ATP10A: variants seen among roughly 807,000 people sequenced by gnomAD.
The protein encoded by ATP10A is phospholipid-transporting ATPase VA.
A neutral mutation model predicts 147.8 loss-of-function variants in ATP10A; 111 were observed. The ratio of observed to expected loss-of-function variants is 0.75; its 90% CI spans 0.64 to 0.88. The LOEUF (loss-of-function observed/expected upper bound fraction) is 0.88. ATP10A is among the 40% of genes least tolerant of loss of function. The pLI, the probability that ATP10A is intolerant of heterozygous loss-of-function variation, is 0.00. For synonymous variants in ATP10A, 875 were observed against 841.6 expected (o/e 1.04, Z -0.69); for missense variants, 1,927 against 1,959.0 (o/e 0.98, Z 0.31).
At chr15:25,858,651 G>T (rs1455209687) in intron 1 of ATP10A, among the ~76,000 whole-genome samples, 3 of 152,144 alleles carry the variant, frequency 2.0e-5, no homozygotes, top group Non-Finnish European at 4.4e-5. Context: ...GAGACCAAAA[G>T]TAGGGCAATT....
chr15:25,687,486 C>T (rs1899757223), intron 16 of ATP10A, among the ~76,000 whole-genome samples: 1 of 151,826 alleles, frequency 6.6e-6, no homozygotes, highest in Admixed American at 6.6e-5. Context: ...ACCACCTCTC[C>T]CTAGAGATGC....
At chr15:25,744,441 A>G (rs2140523271) in intron 2 of ATP10A, among the ~76,000 whole-genome samples, 1 of 152,294 alleles carries the variant, frequency 6.6e-6, no homozygotes, top group Non-Finnish European at 1.5e-5. Context: ...TTCCAGGTAC[A>G]ATGTCAGACA....
intron 2 of ATP10A, among the ~76,000 whole-genome samples, chr15:25,740,998 T>G (rs970546494): frequency 6.6e-6 from 1 of 152,234 alleles, no homozygotes; most frequent in African/African-American, 2.4e-5. Context: ...TCAGGCGAAG[T>G]GCCCTTCATT....
At chr15:25,745,582 G>A (rs892858514) in intron 2 of ATP10A, among the ~76,000 whole-genome samples, 1 of 151,934 alleles carries the variant, frequency 6.6e-6, no homozygotes, top group Non-Finnish European at 1.5e-5. Context: ...GAGAGAGAAG[G>A]AAATTGGCCT....
chr15:25,856,771 A>C (rs1191698104), intron 1 of ATP10A, among the ~76,000 whole-genome samples: 1 of 152,116 alleles, frequency 6.6e-6, no homozygotes. Context: ...CGACAACAAC[A>C]ACAACAACAA....
downstream of ATP10A, among the ~76,000 whole-genome samples, chr15:25,673,077 A>G (rs569996882): frequency 5.7e-4 from 86 of 152,152 alleles, no homozygotes; most frequent in Non-Finnish European, 7.9e-4. Context: ...AGCAGCATGC[A>G]AAACCATACC....
At chr15:25,762,142 G>A (rs545164183) in intron 2 of ATP10A, among the ~76,000 whole-genome samples, 10 of 152,198 alleles carry the variant, frequency 6.6e-5, no homozygotes, top group Non-Finnish European at 1.3e-4. Flanking sequence ...CCTTTTGCTC[G>A]GCACTTCTCC....
intron 5 of ATP10A, among the ~76,000 whole-genome samples, chr15:25,724,294 C>A (rs890904663): frequency 6.6e-6 from 1 of 152,156 alleles, no homozygotes; most frequent in Non-Finnish European, 1.5e-5. Context: ...CAGAGCTACC[C>A]GCGTGTTGGC....
Position 25,760,204 on chromosome 15 carries a change from T to C in ATP10A, c.654+20815A>G, listed in dbSNP as rs151163553. ...GCCCTGGAACTTCTAAAAGGAACTG[T>C]AAAACAAAGAGATTAAGCCAACATG... On this transcript the variant is annotated intron_variant, in intron 2 of 20. Coordinates refer to ENST00000555815, the MANE Select transcript of ATP10A (RefSeq NM_024490.4). Among the ~76,000 whole-genome samples the C allele has an allele frequency of 4.7e-3, 713 of 152,334 alleles. 8 individuals carry two copies. The highest frequency in any genetic ancestry group is 0.016 in the African/African-American group (686 of 41,578).
In ATP10A at chr15:25,680,170, C is replaced by T; in HGVS notation, c.3817G>A (p.Val1273Met). The change falls in exon 20 of 21, where the codon GTG (valine) becomes ATG (methionine). Residue 1273 changes from valine to methionine, a missense_variant. Coordinates refer to ENST00000555815, the MANE Select transcript of ATP10A (RefSeq NM_024490.4). ...GTCATCAGGCAAGTCAAGTAAAACA[C>T]TGGGTCACCCAGTAAGGCTTGCATA... ...WTMQALLGDP[V>M]FYLTCLMTPV... 6.2e-7 allele frequency: 1 copy of T among 1,614,134 alleles called. No homozygotes were observed. Among genetic ancestry groups the T allele is most frequent in the Non-Finnish European group, 8.5e-7 (1 of 1,180,034 alleles).
At chr15:25,757,390 T>C (rs1888474281) in intron 2 of ATP10A, among the ~76,000 whole-genome samples, 2 of 152,160 alleles carry the variant, frequency 1.3e-5, no homozygotes, top group African/African-American at 2.4e-5. Flanking sequence ...TTAGAACTAC[T>C]AGAGAAAAGG....
chr15:25,809,914 A>T (rs528014224), intron 1 of ATP10A, among the ~76,000 whole-genome samples: 1 of 152,046 alleles, frequency 6.6e-6, no homozygotes, highest in Non-Finnish European at 1.5e-5. Flanking sequence ...CTGCCCTGGT[A>T]GTCACAGGTT....
chr15:25,725,554 T>C (rs914986123), intron 5 of ATP10A, among the ~76,000 whole-genome samples: 1 of 152,076 alleles, frequency 6.6e-6, no homozygotes, highest in African/African-American at 2.4e-5. Context: ...AGTGAAAAAC[T>C]GGGGTTTTAA....
intron 10 of ATP10A, among the ~76,000 whole-genome samples, chr15:25,712,157 T>A (rs11637236): frequency 0.99 from 151,529 of 152,336 alleles, 75,368 homozygotes; most frequent in Middle Eastern, 1. Flanking sequence ...GTTTTCTGGG[T>A]TATCCTTGGT....
At chr15:25,736,419 G>A (rs534103547) in intron 2 of ATP10A, among the ~76,000 whole-genome samples, 12 of 152,356 alleles carry the variant, frequency 7.9e-5, no homozygotes, top group African/African-American at 2.9e-4. Flanking sequence ...TGAGAGAACA[G>A]GCGATAAAGC....
At chr15:25,787,611 T>TA (rs745619844) in intron 1 of ATP10A, among the ~76,000 whole-genome samples, 2,674 of 89,976 alleles carry the variant, frequency 0.03, 71 homozygotes, top group African/African-American at 0.079. Flanking sequence ...GACTCCTTCT[T>TA]AAAAAAAAAA....
chr15:25,747,864 T>C (rs1887928350), intron 2 of ATP10A, among the ~76,000 whole-genome samples: 1 of 152,202 alleles, frequency 6.6e-6, no homozygotes, highest in Admixed American at 6.5e-5. Context: ...CAAATACTTC[T>C]TAATTTATTT....
At chr15:25,756,487 C>CA (rs1267729672) in intron 2 of ATP10A, among the ~76,000 whole-genome samples, 3 of 152,108 alleles carry the variant, frequency 2.0e-5, no homozygotes, top group African/African-American at 4.8e-5. Context: ...GCTAAAAATA[C>CA]AAAAAATTAG....
chr15:25,780,843 C>T (rs779058473), intron 2 of ATP10A, among the ~76,000 whole-genome samples, 176 bp downstream of exon 2: 7 of 152,136 alleles, frequency 4.6e-5, no homozygotes, highest in African/African-American at 1.2e-4. Context: ...CAGTCACAGG[C>T]GGGTCATGGG....
Sources: allele counts gnomAD v4.1 joint callset (sites outside exome capture counted in the v4.1 genomes callset), GRCh38; gene constraint gnomAD v4.1.1; transcripts MANE v1.5; gene names NCBI Gene and HGNC (gene_info 2026-07-23, HGNC 2026-07-21).